Variants in TRPM3 observed in about 807,000 individuals in gnomAD.
The protein encoded by TRPM3 is transient receptor potential cation channel subfamily M member 3.
In TRPM3, 77 loss-of-function variants were observed where a neutral mutation model predicts 181.2. The ratio of observed to expected loss-of-function variants is 0.42; its 90% CI spans 0.35 to 0.51. The LOEUF (loss-of-function observed/expected upper bound fraction) is 0.51. TRPM3 is among the 20% of genes least tolerant of loss of function. The pLI is 0.01. For synonymous variants in TRPM3, 745 were observed against 796.4 expected (o/e 0.94, Z 1.09); for missense variants, 1,759 against 2,196.7 (o/e 0.80, Z 3.98).
chr9:70,948,923 G>A (rs535696707), intron 1 of TRPM3, among the ~76,000 whole-genome samples: 2 of 152,256 alleles, frequency 1.3e-5, no homozygotes, highest in African/African-American at 4.8e-5. Context: ...CCTTACTACA[G>A]ACAGGCCTGC....
chr9:70,620,472 A>G, intron 15 of TRPM3, 107 bp from the exon 16 acceptor site: 1 of 1,257,686 alleles, frequency 8.0e-7, no homozygotes, highest in Non-Finnish European at 1.1e-6. Context: ...TCAATACTGA[A>G]ATGAACGAGG....
intron 1 of TRPM3, among the ~76,000 whole-genome samples, chr9:71,253,478 T>C (rs1422070863): frequency 1.3e-5 from 2 of 152,182 alleles, no homozygotes; most frequent in African/African-American, 4.8e-5. Context: ...GACAGCCACT[T>C]ATAAGCATTA....
intron 1 of TRPM3, among the ~76,000 whole-genome samples, chr9:70,875,572 C>G (rs2095856384): frequency 6.6e-6 from 1 of 151,882 alleles, no homozygotes. Flanking sequence ...TTCAATGACA[C>G]TTCAAATATT....
chr9:71,170,584 A>G (rs2076799474), intron 1 of TRPM3, among the ~76,000 whole-genome samples: 1 of 152,170 alleles, frequency 6.6e-6, no homozygotes, highest in Non-Finnish European at 1.5e-5. Flanking sequence ...TAGTTCCCCA[A>G]ATTCTTTTGT....
chr9:70,753,270 C>T (rs916634574), intron 8 of TRPM3, among the ~76,000 whole-genome samples: 1 of 151,938 alleles, frequency 6.6e-6, no homozygotes, highest in Non-Finnish European at 1.5e-5. Flanking sequence ...AAAACAAGCC[C>T]CAAACTGAGA....
intron 1 of TRPM3, among the ~76,000 whole-genome samples, chr9:71,306,155 G>C (rs2087294429): frequency 6.6e-6 from 1 of 152,062 alleles, no homozygotes; most frequent in African/African-American, 2.4e-5. Flanking sequence ...TTTGCTACCT[G>C]AACTATTATC....
rs113688344 is a variant in TRPM3, at chr9:71,437,597, G to A, written c.183+9056C>T. Among the ~76,000 whole-genome samples the A allele has an allele frequency of 2.4e-4, 37 of 152,238 alleles. 1 individual carries two copies. The highest frequency in any genetic ancestry group is 1.4e-3 in the Admixed American group (22 of 15,284). ...GCAAAACCTAAAACACCAGCCGGGC[G>A]TGGGGGCTCATGCCTGTCCTAGCAG... On this transcript the variant is annotated intron_variant, in intron 1 of 24. Transcript: ENST00000357533.
intron 1 of TRPM3, among the ~76,000 whole-genome samples, chr9:71,375,558 A>G (rs1357808666): frequency 3.9e-5 from 6 of 152,260 alleles, no homozygotes; most frequent in Non-Finnish European, 8.8e-5. Flanking sequence ...TCAGCACAGC[A>G]GAAGAAACCA....
chr9:70,670,804 T>C (rs1453726491), intron 9 of TRPM3, among the ~76,000 whole-genome samples: 2 of 152,214 alleles, frequency 1.3e-5, no homozygotes, highest in East Asian at 1.9e-4. Context: ...CTTAAAGAGC[T>C]AGCAATAACC....
At chr9:70,545,041 G>T (rs1002294287) in intron 25 of TRPM3, among the ~76,000 whole-genome samples, 9 of 152,132 alleles carry the variant, frequency 5.9e-5, no homozygotes, top group Non-Finnish European at 1.2e-4. Flanking sequence ...CTATAGTTAG[G>T]TCTTAATACT....
chr9:70,605,792 T>G (rs1377678699), intron 19 of TRPM3, among the ~76,000 whole-genome samples: 1 of 152,232 alleles, frequency 6.6e-6, no homozygotes, highest in African/African-American at 2.4e-5. Flanking sequence ...TCAAATTCCA[T>G]CACTTGTAGG....
intron 3 of TRPM3, among the ~76,000 whole-genome samples, chr9:70,856,804 G>A (rs1564605677): frequency 1.3e-5 from 2 of 152,178 alleles, no homozygotes; most frequent in Non-Finnish European, 2.9e-5. Context: ...AACCTAAAGA[G>A]AATTATGTGG....
chr9:71,227,645 A>G (rs1000324499), intron 1 of TRPM3, among the ~76,000 whole-genome samples: 1 of 152,128 alleles, frequency 6.6e-6, no homozygotes, highest in Admixed American at 6.5e-5. Flanking sequence ...CAGAAATGAA[A>G]AAAAGAGACA....
chr9:71,284,229 C>T (rs1504387), intron 1 of TRPM3, among the ~76,000 whole-genome samples: 80,002 of 152,080 alleles, frequency 0.53, 21,151 homozygotes, highest in African/African-American at 0.59. Flanking sequence ...TACTATTTTT[C>T]TGGATTTTAA....
intron 11 of TRPM3, 142 bp downstream of exon 11, chr9:70,638,917 TG>T: frequency 1.1e-6 from 1 of 933,756 alleles, no homozygotes; most frequent in Non-Finnish European, 1.6e-6. Flanking sequence ...TTGTCATCTA[TG>T]TAGGTCTAAG....
chr9:71,369,543 C>T (rs776447949), intron 1 of TRPM3, among the ~76,000 whole-genome samples: 4 of 152,076 alleles, frequency 2.6e-5, no homozygotes, highest in African/African-American at 7.2e-5. Context: ...CTCACTCTGT[C>T]GCCAGGCTGG....
chr9:71,082,153 G>A (rs2064465360), intron 1 of TRPM3, among the ~76,000 whole-genome samples: 1 of 152,138 alleles, frequency 6.6e-6, no homozygotes, highest in Non-Finnish European at 1.5e-5. Flanking sequence ...ACTCTCAACT[G>A]ACCCCAGCGC....
intron 1 of TRPM3, among the ~76,000 whole-genome samples, chr9:71,071,395 A>G (rs138662442): frequency 1.3e-5 from 2 of 152,320 alleles, no homozygotes; most frequent in Admixed American, 1.3e-4. Context: ...ATGGCTTCAT[A>G]TAAGATAGTG....
intron 1 of TRPM3, among the ~76,000 whole-genome samples, chr9:71,428,136 G>A (rs1340466923): frequency 1.3e-5 from 2 of 151,886 alleles, no homozygotes; most frequent in African/African-American, 4.8e-5. Context: ...TTGTTGCCCA[G>A]GCTGCAGTGC....
Sources: gnomAD v4.1 joint callset for allele counts (sites outside exome capture counted in the v4.1 genomes callset) on GRCh38, gnomAD v4.1.1 for gene constraint, MANE v1.5 for transcripts, NCBI Gene and HGNC (gene_info 2026-07-23, HGNC 2026-07-21) for gene names.